The following HOMER1 variants were observed in gnomAD, a reference collection of about 807,000 sequenced individuals.
The protein encoded by HOMER1 is homer scaffold protein 1, also known as homer protein homolog 1.
Under a neutral mutation model 48.9 loss-of-function variants are expected in HOMER1, and 3 were observed. The ratio of observed to expected loss-of-function variants is 0.06; its 90% CI spans 0.03 to 0.16. The LOEUF is 0.16. Among genes scored for constraint, HOMER1 ranks in the 10% least tolerant of loss-of-function variants. HOMER1 has a pLI of 1.00. For missense variants in HOMER1, 247 were observed against 411.4 expected, an observed-to-expected ratio of 0.60 and a Z score of 3.46; for synonymous variants, 134 against 146.4, an observed-to-expected ratio of 0.92 and a Z score of 0.61.
intron 5 of HOMER1, 92 bp from the exon 6 acceptor site, chr5:79,402,147 A>G (rs1205475016): frequency 2.9e-6 from 3 of 1,034,560 alleles, no homozygotes; most frequent in Non-Finnish European, 4.1e-6. Context: ...TAGGGTTTAT[A>G]GTCTAAGAAT....
chr5:79,449,728 G>A (rs1273150695), intron 3 of HOMER1, among the ~76,000 whole-genome samples: 2 of 152,072 alleles, frequency 1.3e-5, no homozygotes, highest in Non-Finnish European at 2.9e-5. Flanking sequence ...GCCCTCCTTG[G>A]CCTCTCAAAG....
At chr5:79,387,239 T>C (rs1749142307) in intron 8 of HOMER1, among the ~76,000 whole-genome samples, 1 of 152,016 alleles carries the variant, frequency 6.6e-6, no homozygotes, top group Non-Finnish European at 1.5e-5. Flanking sequence ...ATGATCTTCC[T>C]GCCTCAGCTC....
intron 1 of HOMER1, among the ~76,000 whole-genome samples, chr5:79,504,577 T>TA (rs1408004042): frequency 2.0e-5 from 3 of 152,298 alleles, no homozygotes; most frequent in African/African-American, 7.2e-5. Context: ...AGGTCTTTGA[T>TA]AGTCATGTCC....
intron 1 of HOMER1, among the ~76,000 whole-genome samples, chr5:79,459,757 TAG>T (rs1347756124): frequency 2.0e-5 from 3 of 152,252 alleles, no homozygotes; most frequent in Non-Finnish European, 4.4e-5. Flanking sequence ...TTCACTACGA[TAG>T]ATTCTCTAAA....
At chr5:79,454,427 C>T (rs1018805543) in intron 2 of HOMER1, among the ~76,000 whole-genome samples, 4 of 151,766 alleles carry the variant, frequency 2.6e-5, no homozygotes, top group African/African-American at 9.7e-5. Context: ...AAACAGATTA[C>T]AGAGAATTCA....
At chr5:79,463,302 GT>G (rs1751366122) in intron 1 of HOMER1, among the ~76,000 whole-genome samples, 2 of 152,170 alleles carry the variant, frequency 1.3e-5, no homozygotes, top group Non-Finnish European at 1.5e-5. Context: ...ACCAAGAAAA[GT>G]TTGCTAGAAA....
At chr5:79,418,895 C>G (rs1750021566) in intron 5 of HOMER1, among the ~76,000 whole-genome samples, 1 of 152,094 alleles carries the variant, frequency 6.6e-6, no homozygotes, top group African/African-American at 2.4e-5. Context: ...ACAGAGATCA[C>G]TGAAAAATAG....
intron 1 of HOMER1, among the ~76,000 whole-genome samples, chr5:79,467,043 G>A (rs1469497818): frequency 1.3e-5 from 2 of 152,070 alleles, no homozygotes; most frequent in Non-Finnish European, 2.9e-5. Flanking sequence ...GCCTGCCTCG[G>A]CCTCCCAATG....
intron 1 of HOMER1, among the ~76,000 whole-genome samples, chr5:79,480,784 C>T (rs1227680861): frequency 6.6e-6 from 1 of 152,174 alleles, no homozygotes; most frequent in African/African-American, 2.4e-5. Context: ...TTATTCACTC[C>T]TTCAATATTT....
At chr5:79,490,919 T>C (rs1311882073) in intron 1 of HOMER1, among the ~76,000 whole-genome samples, 1 of 151,098 alleles carries the variant, frequency 6.6e-6, no homozygotes, top group Non-Finnish European at 1.5e-5. Flanking sequence ...AGCAAGACCC[T>C]GTCTCTAAAA....
At chr5:79,387,564 T>C (rs1191072165) in intron 8 of HOMER1, among the ~76,000 whole-genome samples, 4 of 152,198 alleles carry the variant, frequency 2.6e-5, no homozygotes, top group African/African-American at 9.6e-5. Context: ...TAATAGGAAC[T>C]ATAAATAATC....
intron 5 of HOMER1, among the ~76,000 whole-genome samples, chr5:79,429,085 C>G (rs1158486464): frequency 6.6e-6 from 1 of 152,172 alleles, no homozygotes; most frequent in Non-Finnish European, 1.5e-5. Flanking sequence ...ACAGCGTAGG[C>G]CGGGCACAGT....
chr5:79,417,270 G>A (rs951576851), intron 5 of HOMER1, among the ~76,000 whole-genome samples: 3 of 152,214 alleles, frequency 2.0e-5, no homozygotes, highest in East Asian at 3.9e-4. Flanking sequence ...AGCCTCCTGA[G>A]TAGCTGGGAC....
rs187731214 is a variant in HOMER1 at position 79,430,806 on chromosome 5, G to A, written c.527+8204C>T. On this transcript the variant is annotated intron_variant, in intron 5 of 8. Coordinates refer to ENST00000334082, the MANE Select transcript of HOMER1 (RefSeq NM_004272.5). ...ACAAAAATTAGCTGAGCATGGTGGC[G>A]CACGCCTGTAGTCCCAGCTACTCGG... is the stretch of plus-strand genomic sequence containing the variant. Among the ~76,000 whole-genome samples, 718 of 151,186 alleles carry A rather than the reference G, an allele frequency of 4.7e-3. 10 individuals carry two copies. Among genetic ancestry groups the A allele is most frequent in the South Asian group, 0.046 (218 of 4,736 alleles).
At chr5:79,422,108 T>G (rs1214819770) in intron 5 of HOMER1, among the ~76,000 whole-genome samples, 2 of 151,844 alleles carry the variant, frequency 1.3e-5, no homozygotes, top group Non-Finnish European at 2.9e-5. Context: ...ACGTCTTTAA[T>G]CCCAGTTACT....
chr5:79,467,524 C>A (rs1252264843), intron 1 of HOMER1, among the ~76,000 whole-genome samples: 3 of 151,920 alleles, frequency 2.0e-5, no homozygotes, highest in African/African-American at 7.2e-5. Context: ...AGTGGATGTT[C>A]AGTCCATATA....
At chr5:79,477,490 G>A (rs1471481132) in intron 1 of HOMER1, among the ~76,000 whole-genome samples, 2 of 152,196 alleles carry the variant, frequency 1.3e-5, no homozygotes, top group African/African-American at 2.4e-5. Context: ...CTGGATATGA[G>A]GCCATTGGAT....
chr5:79,376,112 G>C lies in HOMER1; in HGVS notation c.962C>G (p.Ala321Gly). 6.2e-7 allele frequency: 1 copy of C among 1,613,488 alleles called. No homozygotes were observed. Among genetic ancestry groups the C allele is most frequent in the Non-Finnish European group, 8.5e-7 (1 of 1,179,630 alleles). ...GAGTGTCTTCAGGTTATTGCGAAAA[G>C]CTTCTTGTTCATTCTGACTTTTCTC... ...RLEKSQNEQE[A>G]FRNNLKTLLE... The change falls in exon 9 of 9, where the codon GCT (alanine) becomes GGT (glycine). Residue 321 changes from alanine to glycine, a missense_variant. Coordinates refer to ENST00000334082, the MANE Select transcript of HOMER1 (RefSeq NM_004272.5).
intron 8 of HOMER1, among the ~76,000 whole-genome samples, chr5:79,388,037 A>G (rs1749160713): frequency 6.6e-6 from 1 of 152,240 alleles, no homozygotes; most frequent in African/African-American, 2.4e-5. Context: ...AGAAGAGTAG[A>G]GAACAAAAGG....
Sources: allele counts gnomAD v4.1 joint callset (sites outside exome capture counted in the v4.1 genomes callset), GRCh38; gene constraint gnomAD v4.1.1; transcripts MANE v1.5; gene names NCBI Gene and HGNC (gene_info 2026-07-23, HGNC 2026-07-21).